The following ITGA9 variants were observed in gnomAD, a reference collection of about 807,000 sequenced individuals.
The protein encoded by ITGA9 is integrin alpha-9.
A neutral mutation model predicts 127.8 loss-of-function variants in ITGA9; 56 were observed. That is an observed-to-expected ratio of 0.44 (90% CI 0.35 to 0.55). The LOEUF (loss-of-function observed/expected upper bound fraction) is 0.55. ITGA9 is among the 20% of genes least tolerant of loss of function. The pLI, the probability that ITGA9 is intolerant of heterozygous loss-of-function variation, is 0.00. For synonymous variants in ITGA9, 508 were observed against 514.5 expected (o/e 0.99, Z 0.17); for missense variants, 1,196 against 1,347.1 (o/e 0.89, Z 1.76).
intron 1 of ITGA9, among the ~76,000 whole-genome samples, chr3:37,454,224 G>A (rs1347727041): frequency 1.3e-5 from 2 of 152,270 alleles, no homozygotes; most frequent in Non-Finnish European, 2.9e-5. Context: ...CTCTTTGACA[G>A]CTAGAGGGAG....
At chr3:37,780,350 C>T (rs985760356) in intron 25 of ITGA9, among the ~76,000 whole-genome samples, 30 of 152,156 alleles carry the variant, frequency 2.0e-4, no homozygotes, top group African/African-American at 6.8e-4. Flanking sequence ...CTGTTAATTC[C>T]ACTCTTTATG....
chr3:37,635,934 A>G (rs1700273732), intron 16 of ITGA9, among the ~76,000 whole-genome samples: 1 of 151,666 alleles, frequency 6.6e-6, no homozygotes, highest in Admixed American at 6.6e-5. Flanking sequence ...TTCCAGTTTC[A>G]TCCATGTCCC....
At position 37,817,350 on chromosome 3, in the gene ITGA9, C is replaced by G. The variant is rs574824364; in HGVS notation, c.3010-1541C>G. On this transcript the variant is annotated intron_variant, in intron 27 of 27. Coordinates refer to ENST00000264741, the MANE Select transcript of ITGA9 (RefSeq NM_002207.3). ...CTGCAGTGTGGCAAGCCTACCAGCACCAGGTCAAGTGTGTGTCTCTGTTTG... is the reference window on the plus strand; with the variant it reads ...CTGCAGTGTGGCAAGCCTACCAGCAGCAGGTCAAGTGTGTGTCTCTGTTTG... Among the ~76,000 whole-genome samples, 25 of 152,268 alleles carry G rather than the reference C, an allele frequency of 1.6e-4. No homozygotes were observed. The South Asian group carries it at 5.2e-3, about 32-fold the overall frequency.
At position 37,743,930 on chromosome 3, in the gene ITGA9, A is replaced by G. The variant is rs1344965867; in HGVS notation, c.2329A>G (p.Met777Val). 6.2e-7 allele frequency: 1 copy of G among 1,610,958 alleles called. No homozygotes were observed. Among genetic ancestry groups the G allele is most frequent in the Non-Finnish European group, 8.5e-7 (1 of 1,177,122 alleles). ...TTTCATGCTTTCCTCTTTCAGAATC[A>G]TGTCTCCAACCTCCTTTGTATATGG... ...HEVDTSITGI[M>V]SPTSFVYGES... is the part of the protein sequence containing the mutation. The change falls in exon 22 of 28, where the codon ATG becomes GTG. Residue 777 changes from methionine to valine, a missense_variant. Met to Val is a conservative substitution (Grantham distance 21). Transcript: ENST00000264741.
intron 7 of ITGA9, among the ~76,000 whole-genome samples, chr3:37,507,979 A>C (rs935516629): frequency 1.3e-5 from 2 of 152,274 alleles, no homozygotes; most frequent in African/African-American, 4.8e-5. Flanking sequence ...AACATGCTAA[A>C]GGCTCTAAAA....
intron 15 of ITGA9, among the ~76,000 whole-genome samples, chr3:37,615,536 G>A (rs1327528579): frequency 1.3e-5 from 2 of 152,180 alleles, no homozygotes; most frequent in Non-Finnish European, 1.5e-5. Context: ...GTTTCAGAAG[G>A]AATAGTCCCA....
intron 22 of ITGA9, among the ~76,000 whole-genome samples, chr3:37,746,411 T>C (rs143065630): frequency 2.0e-5 from 3 of 152,342 alleles, no homozygotes; most frequent in African/African-American, 7.2e-5. Context: ...AGAGGCTTTT[T>C]TGGCATCAAA....
At chr3:37,792,006 C>T (rs1697117339) in intron 26 of ITGA9, among the ~76,000 whole-genome samples, 1 of 152,138 alleles carries the variant, frequency 6.6e-6, no homozygotes, top group African/African-American at 2.4e-5. Flanking sequence ...CCTTGAACCT[C>T]ACATTATGCT....
At position 37,470,888 on chromosome 3, in the gene ITGA9, AAT is replaced by A. The variant is rs1292337677; in HGVS notation, c.186-116_186-115del. On this transcript the variant is annotated intron_variant, in intron 1 of 27. Coordinates refer to ENST00000264741, the MANE Select transcript of ITGA9 (RefSeq NM_002207.3). ...CCAAGCCCACACAGAAAAGTATAAT[AAT>A]ATGATTTTCAAAGTGAGCACTCAGA... 86 of 977,520 alleles carry A rather than the reference AAT, an allele frequency of 8.8e-5. No individual in the cohort carries two copies. The East Asian group carries it at 2.1e-3, about 24-fold the overall frequency. 60.6% of individuals were successfully genotyped at this position (977,520 alleles called of 1,614,324 possible).
At chr3:37,623,216 G>A (rs1349050608) in intron 15 of ITGA9, among the ~76,000 whole-genome samples, 2 of 152,200 alleles carry the variant, frequency 1.3e-5, no homozygotes, top group African/African-American at 2.4e-5. Context: ...TCACAGCCCC[G>A]TGCTGCTGTA....
chr3:37,685,224 T>C (rs959458482), intron 18 of ITGA9, among the ~76,000 whole-genome samples: 5 of 152,176 alleles, frequency 3.3e-5, no homozygotes, highest in Non-Finnish European at 5.9e-5. Context: ...CTCAATAGTG[T>C]TGACAGGTTT....
chr3:37,635,252 A>G (rs1174881822), intron 16 of ITGA9, among the ~76,000 whole-genome samples: 1 of 152,240 alleles, frequency 6.6e-6, no homozygotes, highest in Non-Finnish European at 1.5e-5. Context: ...ATCATGAACC[A>G]TAATAAAATT....
chr3:37,583,012 T>A (rs1699724489), intron 15 of ITGA9, among the ~76,000 whole-genome samples: 1 of 152,190 alleles, frequency 6.6e-6, no homozygotes, highest in South Asian at 2.1e-4. Context: ...CCTCCATTAG[T>A]TTGTAGGCCA....
At chr3:37,675,192 G>A (rs892291341) in intron 17 of ITGA9, among the ~76,000 whole-genome samples, 4 of 152,130 alleles carry the variant, frequency 2.6e-5, no homozygotes, top group African/African-American at 4.8e-5. Context: ...GCAGCCCCCC[G>A]CCTTTGCAGT....
intron 18 of ITGA9, among the ~76,000 whole-genome samples, chr3:37,691,735 CCTTGGCAACAGAT>C (rs1700834256): frequency 6.6e-6 from 1 of 152,058 alleles, no homozygotes; most frequent in Non-Finnish European, 1.5e-5. Context: ...CATGTTCTCC[CCTTGGCAACAGAT>C]AAATTAGTCA....
At chr3:37,661,878 C>A in intron 17 of ITGA9, among the ~76,000 whole-genome samples, 1 of 152,144 alleles carries the variant, frequency 6.6e-6, no homozygotes, top group East Asian at 1.9e-4. Flanking sequence ...GGAATGAGGA[C>A]TCACGCATTC....
At chr3:37,489,324 G>A (rs1698642941) in intron 4 of ITGA9, among the ~76,000 whole-genome samples, 1 of 152,226 alleles carries the variant, frequency 6.6e-6, no homozygotes, top group Admixed American at 6.5e-5. Flanking sequence ...ATCAGAAGTT[G>A]GGAGCCTTGC....
chr3:37,692,328 AATGT>A (rs1234397716), intron 18 of ITGA9, among the ~76,000 whole-genome samples: 2 of 152,064 alleles, frequency 1.3e-5, no homozygotes, highest in Non-Finnish European at 2.9e-5. Context: ...TAAAACATAG[AATGT>A]ATGTCAGGGG....
intron 9 of ITGA9, among the ~76,000 whole-genome samples, chr3:37,515,029 T>C (rs1698969955): frequency 6.6e-6 from 1 of 152,186 alleles, no homozygotes; most frequent in Admixed American, 6.5e-5. Flanking sequence ...AAGCAGTCTT[T>C]TCAGGATCTG....
Sources: gnomAD v4.1 joint callset for allele counts (sites outside exome capture counted in the v4.1 genomes callset) on GRCh38, gnomAD v4.1.1 for gene constraint, MANE v1.5 for transcripts, NCBI Gene and HGNC (gene_info 2026-07-23, HGNC 2026-07-21) for gene names.